The following FARP1 variants were observed in gnomAD, a reference collection of about 807,000 sequenced individuals.
The protein encoded by FARP1 is FERM, ARHGEF and pleckstrin domain-containing protein 1.
A neutral mutation model predicts 128.8 loss-of-function variants in FARP1; 52 were observed. The ratio of observed to expected loss-of-function variants is 0.40; its 90% CI spans 0.32 to 0.51. FARP1 has a LOEUF of 0.51. Ranked by LOEUF, FARP1 falls within the 20% of genes least tolerant of loss-of-function variation. FARP1 has a pLI of 0.45. For synonymous variants in FARP1, 580 were observed against 551.8 expected, an observed-to-expected ratio of 1.05 and a Z score of -0.72; for missense variants, 1,333 against 1,367.9, an observed-to-expected ratio of 0.97 and a Z score of 0.40.
At position 98,448,459 on chromosome 13, in the gene FARP1, G is replaced by A. The variant is rs1201756677; in HGVS notation, c.*142G>A. On this transcript the variant is annotated 3_prime_UTR_variant, in exon 27 of 27. Transcript: ENST00000319562. ...CAGCAGCTCTCCTGTCTCCACAGCC[G>A]CGTTTTTTAACCCCGACCTCTCAGC... 4.5e-5 allele frequency: 31 copies of A among 691,008 alleles called. No homozygotes were observed. The highest frequency in any genetic ancestry group is 1.1e-4 in the African/African-American group (6 of 55,992). 42.8% of individuals were successfully genotyped at this position (691,008 alleles called of 1,614,324 possible).
intron 2 of FARP1, among the ~76,000 whole-genome samples, chr13:98,239,563 A>G (rs1882642914): frequency 1.3e-5 from 2 of 152,172 alleles, no homozygotes; most frequent in South Asian, 2.1e-4. Context: ...TGAAGAACTG[A>G]TCTCCAGCAT....
rs1348120094 is a variant in FARP1, at chr13:98,448,396, A to AAATT, written c.*82_*85dup. On this transcript the variant is annotated 3_prime_UTR_variant, in exon 27 of 27. Transcript: ENST00000319562. Reference sequence around the variant, plus strand: ...TCTTCTGTATTAATGAAGCCTGGTAAAATTAACACCTGTCTGAAAATCAAA... The same window carrying AAATT: ...TCTTCTGTATTAATGAAGCCTGGTAAAATTAATTAACACCTGTCTGAAAATCAAA... 16 of 1,130,604 alleles carry AAATT rather than the reference A, an allele frequency of 1.4e-5. No homozygotes were observed. The highest frequency in any genetic ancestry group is 3.1e-5 in the African/African-American group (2 of 65,310). 70.0% of individuals were successfully genotyped at this position (1,130,604 alleles called of 1,614,324 possible).
intron 24 of FARP1, chr13:98,445,758 A>AC: frequency 5.6e-6 from 1 of 177,900 alleles, no homozygotes; most frequent in Non-Finnish European, 1.2e-5. Context: ...TTTAGGGCCC[A>AC]CCCTACCCCA....
intron 6 of FARP1, chr13:98,383,805 T>C (rs887165566): frequency 1.3e-5 from 2 of 152,210 alleles, no homozygotes; most frequent in Non-Finnish European, 2.9e-5. Context: ...TATTGAGGAC[T>C]GTCTTGAGGT....
intron 1 of FARP1, among the ~76,000 whole-genome samples, chr13:98,151,555 C>T (rs1379095308): frequency 6.6e-6 from 1 of 150,850 alleles, no homozygotes; most frequent in African/African-American, 2.4e-5. Flanking sequence ...GTGAAATATA[C>T]ACTCTCTATG....
intron 26 of FARP1, chr13:98,447,742 G>A (rs1478079417): frequency 6.3e-6 from 1 of 157,730 alleles, no homozygotes; most frequent in East Asian, 1.9e-4. Flanking sequence ...CCATCTCCTG[G>A]GAGGCCAAGG....
chr13:98,429,260 A>C (rs1891919000), intron 17 of FARP1, among the ~76,000 whole-genome samples: 1 of 152,212 alleles, frequency 6.6e-6, no homozygotes, highest in Non-Finnish European at 1.5e-5. Flanking sequence ...GGGGGTCCTC[A>C]GCAGGGGTCA....
chr13:98,410,375 G>A (rs552551555), intron 14 of FARP1, among the ~76,000 whole-genome samples: 1 of 152,324 alleles, frequency 6.6e-6, no homozygotes, highest in African/African-American at 2.4e-5. Context: ...ACGGACATAG[G>A]ACGAGACAGT....
intron 1 of FARP1, among the ~76,000 whole-genome samples, chr13:98,185,486 G>A (rs1049563193): frequency 1.3e-5 from 2 of 152,142 alleles, no homozygotes; most frequent in African/African-American, 4.8e-5. Context: ...AACACCCATA[G>A]AAAACTTGGG....
intron 16 of FARP1, among the ~76,000 whole-genome samples, chr13:98,415,441 A>G (rs1233280898): frequency 8.9e-6 from 1 of 112,030 alleles, no homozygotes; most frequent in African/African-American, 4.2e-5. Flanking sequence ...ATATTAATGA[A>G]TGAATGAGTG....
At position 98,176,090 on chromosome 13, in the gene FARP1, G is replaced by T. The variant is rs1162645036; in HGVS notation, c.-24+32598G>T. 1 of 1,319,052 alleles carries T rather than the reference G, an allele frequency of 7.6e-7. No homozygotes were observed. Among genetic ancestry groups the T allele is most frequent in the Non-Finnish European group, 1.1e-6 (1 of 922,542 alleles). The allele number at this position is 1,319,052 out of a possible 1,614,324, so 81.7% of individuals were successfully genotyped here. Reference sequence around the variant, plus strand: ...TTACATACTCAGGCATGGGATTGCAGGAAGACTGTCATCTCTCTCATCTTA... The same window carrying T: ...TTACATACTCAGGCATGGGATTGCATGAAGACTGTCATCTCTCTCATCTTA... On this transcript the variant is annotated intron_variant, in intron 1 of 26. Transcript: ENST00000319562. The surrounding 1 kb of genome is among the most constrained non-coding windows in gnomAD (Gnocchi z 6.2).
chr13:98,275,708 T>A (rs1884625782), intron 2 of FARP1, among the ~76,000 whole-genome samples: 2 of 151,236 alleles, frequency 1.3e-5, no homozygotes, highest in South Asian at 4.2e-4. Flanking sequence ...AATGTCCCAC[T>A]TTCCTGGTGA....
intron 3 of FARP1, among the ~76,000 whole-genome samples, chr13:98,361,746 C>A (rs1250932819): frequency 6.6e-6 from 1 of 152,058 alleles, no homozygotes; most frequent in African/African-American, 2.4e-5. Flanking sequence ...TTAGCCTGTC[C>A]CTGTCCCTCT....
intron 16 of FARP1, among the ~76,000 whole-genome samples, chr13:98,422,609 G>A (rs997211549): frequency 1.2e-4 from 19 of 152,164 alleles, no homozygotes; most frequent in African/African-American, 4.6e-4. Context: ...TGCTTAGTTG[G>A]AACCAATAGA....
Position 98,448,476 on chromosome 13 carries a change from CCT to C in FARP1, c.*163_*164del. 1 of 624,340 alleles carries C rather than the reference CCT, an allele frequency of 1.6e-6. No homozygotes were observed. The allele number at this position is 624,340 out of a possible 1,614,324, so 38.7% of individuals were successfully genotyped here. ...CCACAGCCGCGTTTTTTAACCCCGA[CCT>C]CTCAGCGTCTGAATGAACAGCGCTC... On this transcript the variant is annotated 3_prime_UTR_variant, in exon 27 of 27. Transcript: ENST00000319562.
At chr13:98,332,601 T>C (rs1305840501) in intron 2 of FARP1, 1 of 152,276 alleles carries the variant, frequency 6.6e-6, no homozygotes, top group Admixed American at 6.5e-5. Flanking sequence ...TACTTCAGTT[T>C]GATGCATGGA....
chr13:98,250,251 A>C (rs1313893640), intron 2 of FARP1, among the ~76,000 whole-genome samples: 4 of 152,182 alleles, frequency 2.6e-5, no homozygotes, highest in Admixed American at 6.5e-5. Flanking sequence ...ATGATGTTAA[A>C]ATCTGAAACC....
chr13:98,220,487 T>A (rs1203308843), intron 2 of FARP1, among the ~76,000 whole-genome samples: 2 of 152,192 alleles, frequency 1.3e-5, no homozygotes, highest in African/African-American at 4.8e-5. Flanking sequence ...CTTATCACTG[T>A]TTCTTTTGGC....
At chr13:98,175,606 A>G (rs1430616105) in intron 1 of FARP1, among the ~76,000 whole-genome samples, 1 of 152,162 alleles carries the variant, frequency 6.6e-6, no homozygotes, top group Non-Finnish European at 1.5e-5. Flanking sequence ...GTATATATAT[A>G]TTGATGTGTA....
Sources: gnomAD v4.1 joint callset for allele counts (sites outside exome capture counted in the v4.1 genomes callset) on GRCh38, gnomAD v4.1.1 for gene constraint, Gnocchi (gnomAD v3.1) non-coding constraint, MANE v1.5 for transcripts, NCBI Gene and HGNC (gene_info 2026-07-23, HGNC 2026-07-21) for gene names.